Variants in CRLS1 observed in about 807,000 individuals in gnomAD.
CRLS1 encodes the protein cardiolipin synthase (CMP-forming).
Under a neutral mutation model 37.0 loss-of-function variants are expected in CRLS1, and 24 were observed. That is an observed-to-expected ratio of 0.65 (90% CI 0.47 to 0.91). CRLS1 has a LOEUF of 0.91. CRLS1 is among the 40% of genes least tolerant of loss of function. CRLS1 has a pLI of 0.00. For synonymous variants in CRLS1, 135 were observed against 159.7 expected, an observed-to-expected ratio of 0.85 and a Z score of 1.17; for missense variants, 373 against 395.8, an observed-to-expected ratio of 0.94 and a Z score of 0.49.
intron 5 of CRLS1, among the ~76,000 whole-genome samples, chr20:6,032,798 TA>T (rs1402893244): frequency 6.6e-6 from 1 of 152,220 alleles, no homozygotes; most frequent in African/African-American, 2.4e-5. Flanking sequence ...GTCCCATCTT[TA>T]ATGTCAAGGA....
In CRLS1 at chr20:6,038,976, C is replaced by T. The variant is rs186701479; in HGVS notation, c.*1818C>T. On this transcript the variant is annotated 3_prime_UTR_variant, in exon 7 of 7. Transcript: ENST00000378863. ...ACATCAATTCTGCCAGTTTATAAAA[C>T]ACTGGAATTGTATTAGACATGTCTG... 2.0e-5 allele frequency: 3 copies of T among 152,294 alleles called. No homozygotes were observed. The East Asian group carries it at 5.8e-4, about 29-fold the overall frequency. 9.4% of individuals were successfully genotyped at this position (152,294 alleles called of 1,614,324 possible).
chr20:6,027,919 C>A (rs1257664607), intron 3 of CRLS1, among the ~76,000 whole-genome samples: 4 of 152,170 alleles, frequency 2.6e-5, no homozygotes, highest in African/African-American at 9.7e-5. Context: ...GAATTCCTTT[C>A]TAAAGGACTT....
rs1195352406 is a variant in CRLS1 at position 6,037,160 on chromosome 20, GA to G, written c.*5del. 1.2e-6 allele frequency: 2 copies of G among 1,606,930 alleles called. No homozygotes were observed. The highest frequency in any genetic ancestry group is 2.7e-5 in the African/African-American group (2 of 74,774). On this transcript the variant is annotated 3_prime_UTR_variant, in exon 7 of 7. Coordinates refer to ENST00000378863, the MANE Select transcript of CRLS1 (RefSeq NM_019095.6). ...ACTGTTCAGGTGATAAAAGACTGATGAAAGTCATCCCTCACTGTTAGTAAGG... is the reference window on the plus strand; with the variant it reads ...ACTGTTCAGGTGATAAAAGACTGATGAAGTCATCCCTCACTGTTAGTAAGG...
In CRLS1 at chr20:6,009,853, A is replaced by G; in HGVS notation, c.385A>G (p.Ile129Val). The stretch of plus-strand genomic sequence containing the variant: ...GGCCCCAGTTCTGGGCTATTTGATT[A>G]TTGAAGAAGATTTTAATATTGCACT... ...GLAPVLGYLIIEEDFNIALGV... is the reference protein window; with the variant it reads ...GLAPVLGYLIVEEDFNIALGV... Residue 129 changes from isoleucine (I) to valine (V), a missense_variant, in exon 2 of 7, where the codon ATT becomes GTT. Transcript: ENST00000378863. The G allele has an allele frequency of 6.2e-7, 1 of 1,614,134 alleles. No homozygotes were observed. Among genetic ancestry groups the G allele is most frequent in the Non-Finnish European group, 8.5e-7 (1 of 1,179,980 alleles).
intron 2 of CRLS1, among the ~76,000 whole-genome samples, chr20:6,014,070 A>G (rs111772708): frequency 0.015 from 2,240 of 152,338 alleles, 60 homozygotes; most frequent in African/African-American, 0.049. Context: ...TAAGAAGGAA[A>G]TAGATTTTTT....
intron 1 of CRLS1, chr20:6,007,220 A>G: frequency 6.9e-7 from 1 of 1,456,482 alleles, no homozygotes; most frequent in Non-Finnish European, 9.1e-7. Flanking sequence ...TTCAATTGTT[A>G]TGTCTTCAGT....
chr20:6,018,411 C>T (rs1419083634), intron 3 of CRLS1, among the ~76,000 whole-genome samples: 1 of 152,078 alleles, frequency 6.6e-6, no homozygotes, highest in Admixed American at 6.5e-5. Context: ...CGTATTTCTT[C>T]TTTTCCAGTC....
chr20:6,021,318 C>T (rs1229493333), intron 3 of CRLS1, among the ~76,000 whole-genome samples: 5 of 152,118 alleles, frequency 3.3e-5, no homozygotes, highest in African/African-American at 4.8e-5. Flanking sequence ...CTGCCCGCCT[C>T]GGCCTCCCAA....
At chr20:6,028,881 G>A (rs774876805) in intron 3 of CRLS1, among the ~76,000 whole-genome samples, 18 of 152,204 alleles carry the variant, frequency 1.2e-4, no homozygotes, top group Non-Finnish European at 2.1e-4. Context: ...TCTTACTCTA[G>A]TAGGCAAAAT....
chr20:6,006,210 C>G lies in CRLS1; in HGVS notation c.-37C>G. On this transcript the variant is annotated 5_prime_UTR_variant, in exon 1 of 7. Coordinates refer to ENST00000378863, the MANE Select transcript of CRLS1 (RefSeq NM_019095.6). Reference sequence around the variant, plus strand: ...CGCCAGTGTCCCAGGCTGCTGAGCTCTCGCCGCCCGAGACCCCGCGGCGCG... The same window carrying G: ...CGCCAGTGTCCCAGGCTGCTGAGCTGTCGCCGCCCGAGACCCCGCGGCGCG... 8.5e-7 allele frequency: 1 copy of G among 1,183,040 alleles called. No individual in the cohort carries two copies. Among genetic ancestry groups the G allele is most frequent in the Non-Finnish European group, 1.1e-6 (1 of 947,320 alleles). The allele number at this position is 1,183,040 out of a possible 1,614,324, so 73.3% of individuals were successfully genotyped here.
In CRLS1 at chr20:6,025,189, T is replaced by C. The variant is rs576709961; in HGVS notation, c.575-6096T>C. Among the ~76,000 whole-genome samples, 24 of 152,328 alleles carry C rather than the reference T, an allele frequency of 1.6e-4. No individual in the cohort carries two copies. In the South Asian group the frequency reaches 2.1e-3, roughly 13 times the overall value. On this transcript the variant is annotated intron_variant, in intron 3 of 6. Transcript: ENST00000378863. ...GGTAGAGAGAGGTCAGTGCATGGGC[T>C]TGAAAGAACAGGCTGATTCTCTTGC...
chr20:6,010,795 C>T (rs2090122141), intron 2 of CRLS1, among the ~76,000 whole-genome samples: 1 of 152,120 alleles, frequency 6.6e-6, no homozygotes, highest in Non-Finnish European at 1.5e-5. Context: ...AATTCCAGTG[C>T]TTTGAGAGGT....
intron 1 of CRLS1, among the ~76,000 whole-genome samples, chr20:6,009,542 T>C (rs1208910057): frequency 6.6e-6 from 1 of 152,176 alleles, no homozygotes; most frequent in Non-Finnish European, 1.5e-5. Flanking sequence ...GCAGGGATTA[T>C]AGGCGTGAGC....
At position 6,021,983 on chromosome 20, in the gene CRLS1, A is replaced by C. The variant is rs538001418; in HGVS notation, c.574+6493A>C. Among the ~76,000 whole-genome samples the C allele has an allele frequency of 3.3e-5, 5 of 152,304 alleles. No homozygotes were observed. In the South Asian group the frequency reaches 1.0e-3, roughly 32 times the overall value. ...TCTCTCAGCTTAGGCTACTGTTGTCATACTTTTATATATTTCTTAAACTCA... is the reference window on the plus strand; with the variant it reads ...TCTCTCAGCTTAGGCTACTGTTGTCCTACTTTTATATATTTCTTAAACTCA... On this transcript the variant is annotated intron_variant, in intron 3 of 6. Transcript: ENST00000378863.
At chr20:6,033,508 G>A (rs548025071) in intron 5 of CRLS1, among the ~76,000 whole-genome samples, 7 of 152,218 alleles carry the variant, frequency 4.6e-5, no homozygotes, top group African/African-American at 9.6e-5. Context: ...AGAGGTGCTC[G>A]TCTGCTTCAC....
chr20:6,006,893 G>A, intron 1 of CRLS1: 2 of 874,812 alleles, frequency 2.3e-6, no homozygotes, highest in African/African-American at 1.8e-5. Flanking sequence ...TGAATCCCCA[G>A]TGTTTAGGGC....
intron 3 of CRLS1, among the ~76,000 whole-genome samples, chr20:6,020,696 C>T (rs1004682199): frequency 2.0e-5 from 3 of 151,398 alleles, no homozygotes; most frequent in Middle Eastern, 3.2e-3. Context: ...AATCTTGGCT[C>T]ACTGCAAGCT....
rs1978328575 is a variant in CRLS1, at chr20:6,011,634, G to GGA, written c.444+1724_444+1725dup. Among the ~76,000 whole-genome samples, 4 of 113,824 alleles carry GGA rather than the reference G, an allele frequency of 3.5e-5. No homozygotes were observed. In the South Asian group the frequency reaches 1.2e-3, roughly 35 times the overall value. The allele number at this position is 113,824 out of a possible 152,430, so 74.7% of individuals were successfully genotyped here. A position where few individuals can be genotyped will look rare whatever the true frequency, so the allele number is the denominator to read the frequency against. ...GGAGACTGACTCTGTCGCCCAGGCT[G>GGA]GAGTGCAGTGGCGTGATGTCGGCTC... On this transcript the variant is annotated intron_variant, in intron 2 of 6. Transcript: ENST00000378863.
chr20:6,028,262 T>A (rs965494447), intron 3 of CRLS1: 3 of 152,248 alleles, frequency 2.0e-5, no homozygotes, highest in African/African-American at 7.2e-5. Flanking sequence ...GGTCTTTTTA[T>A]GGGAGGGGGA....
Sources: allele counts gnomAD v4.1 joint callset (sites outside exome capture counted in the v4.1 genomes callset), GRCh38; gene constraint gnomAD v4.1.1; transcripts MANE v1.5; gene names NCBI Gene and HGNC (gene_info 2026-07-23, HGNC 2026-07-21).